Variants in DGKH observed in about 807,000 individuals in gnomAD.
DGKH encodes DAG kinase eta.
Under a neutral mutation model 159.3 loss-of-function variants are expected in DGKH, and 90 were observed. The observed-to-expected ratio is 0.57, with a 90% CI of 0.48 to 0.67. DGKH has a LOEUF of 0.67. Ranked by LOEUF, DGKH falls within the 30% of genes least tolerant of loss-of-function variation. DGKH has a pLI of 0.00. For missense variants in DGKH, 1,181 were observed against 1,506.1 expected, an observed-to-expected ratio of 0.78 and a Z score of 3.57; for synonymous variants, 536 against 553.8, an observed-to-expected ratio of 0.97 and a Z score of 0.45.
intron 3 of DGKH, among the ~76,000 whole-genome samples, chr13:42,144,632 A>T (rs13378716): frequency 2.2e-3 from 326 of 151,480 alleles, no homozygotes; most frequent in South Asian, 6.9e-3. Flanking sequence ...GATTGAGCTG[A>T]GATCGTGCCA....
chr13:42,197,365 T>C (rs980703640), intron 17 of DGKH, among the ~76,000 whole-genome samples: 1 of 151,892 alleles, frequency 6.6e-6, no homozygotes, highest in Non-Finnish European at 1.5e-5. Context: ...ATTGTTTTCT[T>C]CATTCATTTA....
chr13:42,211,621 C>T (rs1957659262), intron 24 of DGKH, among the ~76,000 whole-genome samples: 1 of 152,122 alleles, frequency 6.6e-6, no homozygotes, highest in Non-Finnish European at 1.5e-5. Flanking sequence ...TCACTTGAAC[C>T]TGAGTGGTGG....
At chr13:42,050,423 A>G (rs1005528016) in intron 1 of DGKH, among the ~76,000 whole-genome samples, 3 of 152,206 alleles carry the variant, frequency 2.0e-5, no homozygotes, top group African/African-American at 4.8e-5. Flanking sequence ...TGTGTGTAAG[A>G]ACAACACACA....
chr13:42,107,765 G>A (rs1019193109), intron 1 of DGKH, among the ~76,000 whole-genome samples: 1 of 151,930 alleles, frequency 6.6e-6, no homozygotes, highest in Non-Finnish European at 1.5e-5. Flanking sequence ...GGAGGGCTCG[G>A]CTTCTTAGCT....
Position 42,225,115 on chromosome 13 carries a change from G to A in DGKH, c.3573+3721G>A, listed in dbSNP as rs181243336. On this transcript the variant is annotated intron_variant, in intron 29 of 29. Coordinates refer to ENST00000337343, the MANE Select transcript of DGKH (RefSeq NM_178009.5). ...ATCTTTTATTTTTTGTAGAGACAGG[G>A]TCTTGCTGTGTTGTCCAGGCTGGTC... Among the ~76,000 whole-genome samples the A allele has an allele frequency of 3.3e-5, 5 of 152,228 alleles. No homozygotes were observed. In the East Asian group the frequency reaches 9.7e-4, roughly 29 times the overall value.
chr13:42,166,492 C>T, intron 8 of DGKH, 23 bp from the exon 9 acceptor site: 1 of 1,488,046 alleles, frequency 6.7e-7, no homozygotes, highest in Non-Finnish European at 9.0e-7. Context: ...ATGTATTGAT[C>T]TTGTGTTGTG....
At chr13:42,190,976 G>A (rs1269636813) in intron 16 of DGKH, among the ~76,000 whole-genome samples, 1 of 152,208 alleles carries the variant, frequency 6.6e-6, no homozygotes, top group Admixed American at 6.5e-5. Context: ...AACCTTCTGG[G>A]TTGATAGTCC....
chr13:42,214,806 TTC>T (rs1347911207), intron 25 of DGKH, among the ~76,000 whole-genome samples, 194 bp downstream of exon 25: 4 of 152,196 alleles, frequency 2.6e-5, no homozygotes, highest in Non-Finnish European at 1.5e-5. Flanking sequence ...TGCTCTTAAA[TTC>T]TCTCATTTTT....
At chr13:42,051,036 CTG>C (rs1837830052) in intron 1 of DGKH, among the ~76,000 whole-genome samples, 1 of 152,188 alleles carries the variant, frequency 6.6e-6, no homozygotes, top group Non-Finnish European at 1.5e-5. Context: ...GGGAGTACCA[CTG>C]TATTTTATAG....
At chr13:42,215,433 TG>T in intron 25 of DGKH, 141 bp from the exon 26 acceptor site, 1 of 564,998 alleles carries the variant, frequency 1.8e-6, no homozygotes, top group Non-Finnish European at 3.0e-6. Flanking sequence ...AACAAATGTA[TG>T]AAACTTTGCG....
At chr13:42,256,133 G>A (rs931106613) in intron 30 of DGKH, 123 of 1,174,338 alleles carry the variant, frequency 1.0e-4, no homozygotes, top group Non-Finnish European at 1.5e-4. Context: ...TACTCAGTGT[G>A]AAGCAATGAC....
intron 18 of DGKH, among the ~76,000 whole-genome samples, chr13:42,199,129 G>A (rs1308508878): frequency 1.3e-5 from 2 of 152,136 alleles, no homozygotes; most frequent in African/African-American, 2.4e-5. Flanking sequence ...CTGGAAGAAT[G>A]GATTGGATCT....
intron 11 of DGKH, among the ~76,000 whole-genome samples, chr13:42,169,030 A>G (rs1956377060): frequency 6.6e-6 from 1 of 152,234 alleles, no homozygotes; most frequent in Non-Finnish European, 1.5e-5. Flanking sequence ...TTTATAGTGA[A>G]TGAATGAATT....
At chr13:42,079,434 T>C (rs987286640) in intron 1 of DGKH, among the ~76,000 whole-genome samples, 7 of 152,098 alleles carry the variant, frequency 4.6e-5, no homozygotes, top group Non-Finnish European at 1.0e-4. Context: ...CACTAACCAA[T>C]TTCTCATCAT....
In DGKH at chr13:42,053,628, A is replaced by AT. The variant is rs572375771; in HGVS notation, c.192+4664dup. Reference sequence around the variant, plus strand: ...TATATAACTATATATGTATATATATATATTTTTTTGAGACGGAGTCTTACT... The same window carrying AT: ...TATATAACTATATATGTATATATATATTATTTTTTTGAGACGGAGTCTTACT... On this transcript the variant is annotated intron_variant, in intron 1 of 29. Coordinates refer to ENST00000337343, the MANE Select transcript of DGKH (RefSeq NM_178009.5). Among the ~76,000 whole-genome samples the AT allele has an allele frequency of 3.8e-3, 559 of 146,422 alleles. 5 individuals are homozygous for AT. The highest frequency in any genetic ancestry group is 0.011 in the African/African-American group (436 of 39,982).
chr13:42,087,104 AACAATCCTT>A (rs765427676), intron 1 of DGKH, among the ~76,000 whole-genome samples: 7 of 141,712 alleles, frequency 4.9e-5, no homozygotes, highest in African/African-American at 1.8e-4. Context: ...GAGTAGGCAC[AACAATCCTT>A]GAAGCTCATA....
chr13:42,069,026 T>G, intron 1 of DGKH: 4 of 1,456,670 alleles, frequency 2.7e-6, no homozygotes, highest in Non-Finnish European at 3.9e-6. Context: ...TGTATTGACT[T>G]AAGTGGTGAC....
chr13:42,053,518 C>T (rs1881495237), intron 1 of DGKH, among the ~76,000 whole-genome samples: 1 of 103,244 alleles, frequency 9.7e-6, no homozygotes, highest in Admixed American at 9.3e-5. Flanking sequence ...CTATACATAA[C>T]TATATATAAC....
intron 3 of DGKH, among the ~76,000 whole-genome samples, chr13:42,148,554 C>T (rs1226870019): frequency 3.9e-5 from 6 of 151,944 alleles, no homozygotes; most frequent in African/African-American, 7.3e-5. Flanking sequence ...TCTCCCACCA[C>T]GGCTTTCCAC....
Sources: gnomAD v4.1 joint callset for allele counts (sites outside exome capture counted in the v4.1 genomes callset) on GRCh38, gnomAD v4.1.1 for gene constraint, MANE v1.5 for transcripts, NCBI Gene and HGNC (gene_info 2026-07-23, HGNC 2026-07-21) for gene names.